TGS1: variants seen among roughly 807,000 people sequenced by gnomAD.
The protein encoded by TGS1 is trimethylguanosine synthase.
TGS1 carries 69 observed loss-of-function variants against 92.2 expected under a neutral mutation model. That is an observed-to-expected ratio of 0.75 (90% CI 0.62 to 0.91). TGS1 has a LOEUF of 0.91. Ranked by LOEUF, TGS1 falls within the 40% of genes least tolerant of loss-of-function variation. The pLI, the probability that TGS1 is intolerant of heterozygous loss-of-function variation, is 0.00. For synonymous variants in TGS1, 345 were observed against 338.1 expected (o/e 1.02, Z -0.22); for missense variants, 1,062 against 1,001.2 (o/e 1.06, Z -0.82).
rs773667166 is a variant in TGS1, at chr8:55,773,592, C to T, written c.-27C>T. 2.5e-6 allele frequency: 4 copies of T among 1,591,168 alleles called. No individual in the cohort carries two copies. The highest frequency in any genetic ancestry group is 1.7e-6 in the Non-Finnish European group (2 of 1,166,412). On this transcript the variant is annotated 5_prime_UTR_variant, in exon 1 of 13. The change creates a new upstream start codon in the 5' untranslated region. Coordinates refer to ENST00000260129, the MANE Select transcript of TGS1 (RefSeq NM_024831.8). ...CGGCAGGCGCGACCCGGGCTGCGTACGTCAGAGCTGCCTCCGAAGTGGTAA... is the reference window on the plus strand; with the variant it reads ...CGGCAGGCGCGACCCGGGCTGCGTATGTCAGAGCTGCCTCCGAAGTGGTAA...
intron 5 of TGS1, 68 bp downstream of exon 5, chr8:55,790,367 T>G (rs955162021): frequency 3.1e-6 from 3 of 966,348 alleles, no homozygotes; most frequent in African/African-American, 3.2e-5. Flanking sequence ...AAGCCAGTGG[T>G]TATTAAATGA....
chr8:55,777,037 T>G (rs1415085907), intron 1 of TGS1, among the ~76,000 whole-genome samples: 7 of 152,034 alleles, frequency 4.6e-5, no homozygotes, highest in Non-Finnish European at 8.8e-5. Flanking sequence ...AGACTGGGTC[T>G]CACTTTGTCA....
chr8:55,802,369 T>C, intron 8 of TGS1, 88 bp from the exon 9 acceptor site: 1 of 1,104,256 alleles, frequency 9.1e-7, no homozygotes, highest in South Asian at 1.4e-5. Flanking sequence ...CTTGTAATTA[T>C]TTGATGTGGC....
At chr8:55,778,268 T>C (rs1250952532) in intron 1 of TGS1, among the ~76,000 whole-genome samples, 4 of 148,180 alleles carry the variant, frequency 2.7e-5, no homozygotes, top group African/African-American at 7.6e-5. Context: ...GTCTCAGTAG[T>C]GGCCTAAAAA....
At position 55,773,681 on chromosome 8, in the gene TGS1, T is replaced by C. The variant is rs1811284977; in HGVS notation, c.63T>C (p.Asp21=). ...EMFLFIEERE[D]CKILCLCSRA... ...TTCTCTTCATTGAGGAGCGGGAGGA[T>C]TGTAAGATACTGTGCCTTTGCTCCA... The change falls in exon 1 of 13, where the codon GAT becomes GAC. Residue 21 remains aspartate (D), a synonymous_variant. Transcript: ENST00000260129. The C allele has an allele frequency of 1.2e-6, 2 of 1,611,518 alleles. No individual in the cohort carries two copies. The highest frequency in any genetic ancestry group is 2.2e-5 in the East Asian group (1 of 44,624).
chr8:55,816,591 T>G (rs1245214962), intron 12 of TGS1, among the ~76,000 whole-genome samples: 4 of 152,172 alleles, frequency 2.6e-5, no homozygotes, highest in Non-Finnish European at 5.9e-5. Flanking sequence ...ATCTTACCAA[T>G]ACAGAGAGCA....
rs772448032 is a variant in TGS1 at position 55,786,342 on chromosome 8, AGAC to A, written c.448_450del (p.Asp150del). 21 of 1,610,194 alleles carry A rather than the reference AGAC, an allele frequency of 1.3e-5. No homozygotes were observed. Among genetic ancestry groups the A allele is most frequent in the Admixed American group, 3.3e-5 (2 of 59,880 alleles). ...AATCTTGGAGAAAAGAATATGAAGA[AGAC>A]GACATTTTGGCTTCAGATGATCCAT... On this transcript the variant is annotated inframe_deletion, in exon 4 of 13. Coordinates refer to ENST00000260129, the MANE Select transcript of TGS1 (RefSeq NM_024831.8).
chr8:55,823,826 A>T (rs1460253620), intron 12 of TGS1, among the ~76,000 whole-genome samples: 1 of 152,200 alleles, frequency 6.6e-6, no homozygotes, highest in Non-Finnish European at 1.5e-5. Context: ...ATAATATTTT[A>T]AAAATAAACC....
chr8:55,795,880 G>C (rs557249973), intron 6 of TGS1, 98 bp from the exon 7 acceptor site: 1 of 927,482 alleles, frequency 1.1e-6, no homozygotes, highest in Non-Finnish European at 1.7e-6. Flanking sequence ...TTAAAATGGT[G>C]TAAAAATGAG....
At chr8:55,819,490 G>A (rs1356802160) in intron 12 of TGS1, among the ~76,000 whole-genome samples, 1 of 150,526 alleles carries the variant, frequency 6.6e-6, no homozygotes, top group Middle Eastern at 3.4e-3. Flanking sequence ...TAGAGACGGG[G>A]TTTCTCCATG....
rs1387692096 is a variant in TGS1 at position 55,783,530 on chromosome 8, CTA to C, written c.166+721_166+722del. Among the ~76,000 whole-genome samples the C allele has an allele frequency of 3.9e-5, 6 of 152,176 alleles. 1 individual carries two copies. The highest frequency in any genetic ancestry group is 1.4e-4 in the African/African-American group (6 of 41,442). ...CGGGATAAAAATTCCAGGTGAACAT[CTA>C]TAGTCTTTTGCCTGAAGTAAAGAGA... On this transcript the variant is annotated intron_variant, in intron 2 of 12. Transcript: ENST00000260129.
chr8:55,798,040 T>C (rs1000831843), intron 7 of TGS1, among the ~76,000 whole-genome samples: 4 of 152,216 alleles, frequency 2.6e-5, no homozygotes, highest in African/African-American at 4.8e-5. Context: ...CATAGGACTT[T>C]CCGTAATGTG....
intron 12 of TGS1, among the ~76,000 whole-genome samples, chr8:55,819,442 A>G (rs1803575478): frequency 6.6e-6 from 1 of 151,432 alleles, no homozygotes; most frequent in Non-Finnish European, 1.5e-5. Context: ...GATTACAGGC[A>G]TATGCCACTA....
intron 8 of TGS1, among the ~76,000 whole-genome samples, chr8:55,800,798 T>G (rs1301998328): frequency 6.6e-6 from 1 of 152,200 alleles, no homozygotes; most frequent in African/African-American, 2.4e-5. Flanking sequence ...CTATTTACAA[T>G]GATCAGATGA....
chr8:55,796,643 G>A (rs1386988998), intron 7 of TGS1, among the ~76,000 whole-genome samples: 12 of 151,530 alleles, frequency 7.9e-5, no homozygotes, highest in South Asian at 2.1e-4. Flanking sequence ...AGCCGAGATC[G>A]CGCCTTTTCA....
At chr8:55,774,583 G>A (rs1490602885) in intron 1 of TGS1, among the ~76,000 whole-genome samples, 1 of 152,124 alleles carries the variant, frequency 6.6e-6, no homozygotes, top group Non-Finnish European at 1.5e-5. Flanking sequence ...AGGCATGCAT[G>A]TAGTCATACA....
chr8:55,781,075 T>A (rs1414846957), intron 1 of TGS1, among the ~76,000 whole-genome samples: 2 of 152,236 alleles, frequency 1.3e-5, no homozygotes, highest in Admixed American at 1.3e-4. Flanking sequence ...AGCTGGCTGC[T>A]CATTGTGCTT....
intron 12 of TGS1, among the ~76,000 whole-genome samples, chr8:55,815,952 T>C (rs919408837): frequency 4.0e-5 from 6 of 150,428 alleles, no homozygotes; most frequent in African/African-American, 1.2e-4. Flanking sequence ...ATTTATTTTA[T>C]TTATTTATTT....
At chr8:55,807,805 A>G (rs1803215048) in intron 10 of TGS1, among the ~76,000 whole-genome samples, 1 of 152,186 alleles carries the variant, frequency 6.6e-6, no homozygotes, top group African/African-American at 2.4e-5. Context: ...CTGGAATTAC[A>G]GGCATGAGCC....
Sources: allele counts gnomAD v4.1 joint callset (sites outside exome capture counted in the v4.1 genomes callset), GRCh38; gene constraint gnomAD v4.1.1; transcripts MANE v1.5; gene names NCBI Gene and HGNC (gene_info 2026-07-23, HGNC 2026-07-21).